Variants in GUCY2D observed in about 807,000 individuals in gnomAD.
GUCY2D encodes the protein retinal guanylyl cyclase 1.
Under a neutral mutation model 101.3 loss-of-function variants are expected in GUCY2D, and 70 were observed. The ratio of observed to expected loss-of-function variants is 0.69; its 90% confidence interval spans 0.57 to 0.84. The LOEUF (loss-of-function observed/expected upper bound fraction) is 0.84, where lower values mean the gene tolerates loss of function less well. GUCY2D is among the 40% of genes least tolerant of loss of function. GUCY2D has a pLI of 0.00. For synonymous variants in GUCY2D, 688 were observed against 670.7 expected (o/e 1.03, Z -0.40); for missense variants, 1,460 against 1,542.5 (o/e 0.95, Z 0.90).
rs76196120 is a variant in GUCY2D, at chr17:8,009,111, T to C, written c.1669-395T>C. ...GTCCAGCATCAGGAGGGGAGCTGTCTATAGTTCAGTTAGTTTTCAATAAAG... is the reference window on the plus strand; with the variant it reads ...GTCCAGCATCAGGAGGGGAGCTGTCCATAGTTCAGTTAGTTTTCAATAAAG... On this transcript the variant is annotated intron_variant, in intron 7 of 19. Coordinates refer to ENST00000254854, the MANE Select transcript of GUCY2D (RefSeq NM_000180.4). Among the ~76,000 whole-genome samples, 15 of 152,378 alleles carry C rather than the reference T, an allele frequency of 9.8e-5. No individual in the cohort carries two copies. In the East Asian group the frequency reaches 2.9e-3, roughly 29 times the overall value.
Position 8,012,442 on chromosome 17 carries a change from A to G in GUCY2D, c.1957-8A>G. Reference sequence around the variant, plus strand: ...GCTGAGGCTGCCTCTTACCCTACCCATTCCAAGGGAATAAGGTATCTGCAC... The same window carrying G: ...GCTGAGGCTGCCTCTTACCCTACCCGTTCCAAGGGAATAAGGTATCTGCAC... On this transcript the variant is annotated splice_polypyrimidine_tract_variant and splice_region_variant and intron_variant, in intron 9 of 19. Transcript: ENST00000254854. 6.2e-7 allele frequency: 1 copy of G among 1,613,976 alleles called. No homozygotes were observed. Among genetic ancestry groups the G allele is most frequent in the South Asian group, 1.1e-5 (1 of 91,080 alleles).
intron 8 of GUCY2D, among the ~76,000 whole-genome samples, chr17:8,010,583 G>T (rs952448061): frequency 6.6e-6 from 1 of 152,018 alleles, no homozygotes; most frequent in Non-Finnish European, 1.5e-5. Context: ...GAGGCGGGCG[G>T]ATCACGAGGT....
chr17:8,003,455 C>A lies in GUCY2D; in HGVS notation c.408C>A (p.Ala136=), dbSNP rs886998148. The part of the protein sequence containing the change: ...GPVNPAACRP[A]ELLAEEAGIA... ...TGAACCCTGCGGCCTGCCGGCCAGC[C>A]GAGCTGCTCGCCGAAGAAGCCGGGA... The change falls in exon 2 of 20, where the codon GCC becomes GCA. Residue 136 remains alanine (A), a synonymous_variant. Coordinates refer to ENST00000254854, the MANE Select transcript of GUCY2D (RefSeq NM_000180.4). 1 of 1,520,754 alleles carries A rather than the reference C, an allele frequency of 6.6e-7. No homozygotes were observed. Among genetic ancestry groups the A allele is most frequent in the African/African-American group, 1.4e-5 (1 of 70,844 alleles). The allele number at this position is 1,520,754 out of a possible 1,614,324, so 94.2% of individuals were successfully genotyped here. A position where few individuals can be genotyped will look rare whatever the true frequency, so the allele number is the denominator to read the frequency against.
At chr17:8,016,687 C>G (rs1975985769) in intron 19 of GUCY2D, 133 bp downstream of exon 19, 1 of 598,140 alleles carries the variant, frequency 1.7e-6, no homozygotes, top group African/African-American at 1.9e-5. Context: ...CCGGGGCTTC[C>G]CCTGGGAGGG....
rs570251619 is a variant in GUCY2D at position 8,003,572 on chromosome 17, G to A, written c.525G>A (p.Leu175=). ...CCGCCGCGGATGCCCTCTACGCCCT[G>A]CTTCGCGCATTCGGCTGGGCGCGCG... is the stretch of plus-strand genomic sequence containing the variant. ...VTPAADALYA[L]LRAFGWARVA... The change falls in exon 2 of 20, where the codon CTG becomes CTA. Residue 175 remains leucine (L), a synonymous_variant. Coordinates refer to ENST00000254854, the MANE Select transcript of GUCY2D (RefSeq NM_000180.4). 1.9e-5 allele frequency: 30 copies of A among 1,581,700 alleles called. No homozygotes were observed. The South Asian group carries it at 3.3e-4, about 17-fold the overall frequency.
At chr17:8,015,237 C>T in intron 14 of GUCY2D, 91 bp from the exon 15 acceptor site, 1 of 1,280,796 alleles carries the variant, frequency 7.8e-7, no homozygotes, top group Middle Eastern at 1.8e-4. Flanking sequence ...TCTGCACTAA[C>T]CCCAGGTGGG....
chr17:8,015,425 T>G lies in GUCY2D; in HGVS notation c.2867T>G (p.Ile956Ser). The G allele has an allele frequency of 6.2e-7, 1 of 1,613,892 alleles. No individual in the cohort carries two copies. Among genetic ancestry groups the G allele is most frequent in the Non-Finnish European group, 8.5e-7 (1 of 1,179,926 alleles). ...AAEIANMSLDILSAVGTFRMR... is the reference protein window; with the variant it reads ...AAEIANMSLDSLSAVGTFRMR... Reference sequence around the variant, plus strand: ...GAGATCGCCAACATGTCACTGGACATCCTCAGTGCCGTGGGCACTTTCCGC... The same window carrying G: ...GAGATCGCCAACATGTCACTGGACAGCCTCAGTGCCGTGGGCACTTTCCGC... The change falls in exon 15 of 20, where the codon ATC becomes AGC. Residue 956 changes from isoleucine (I) to serine (S), a missense_variant. Physicochemically the swap from Ile to Ser is moderately radical, Grantham distance 142 (BLOSUM62 -2). Coordinates refer to ENST00000254854, the MANE Select transcript of GUCY2D (RefSeq NM_000180.4).
rs1171644650 is a variant in GUCY2D, at chr17:8,007,917, C to T, written c.1567-14C>T. Reference sequence around the variant, plus strand: ...AATATATTTTGACCTCTTGCATTGACCTCTACCTGCTAGGTGGCCCAGGGG... The same window carrying T: ...AATATATTTTGACCTCTTGCATTGATCTCTACCTGCTAGGTGGCCCAGGGG... On this transcript the variant is annotated splice_polypyrimidine_tract_variant and intron_variant, in intron 6 of 19. Coordinates refer to ENST00000254854, the MANE Select transcript of GUCY2D (RefSeq NM_000180.4). The T allele has an allele frequency of 3.9e-6, 6 of 1,547,676 alleles. No homozygotes were observed. In the South Asian group the frequency reaches 4.5e-5, roughly 12 times the overall value.
intron 14 of GUCY2D, 114 bp from the exon 15 acceptor site, chr17:8,015,214 C>CT: frequency 8.8e-7 from 1 of 1,135,212 alleles, no homozygotes. Context: ...AGTCCTTCCA[C>CT]TAGCAACCTG....
intron 8 of GUCY2D, 48 bp downstream of exon 8, chr17:8,009,634 C>G: frequency 8.2e-7 from 1 of 1,223,310 alleles, no homozygotes; most frequent in Non-Finnish European, 1.2e-6. Flanking sequence ...CGGTTTCTCC[C>G]TCCTTGCCTT....
chr17:8,014,298 G>C lies in GUCY2D; in HGVS notation c.2412+270G>C. The stretch of plus-strand genomic sequence containing the variant: ...CTGATTGAGAACCAAGTATGTGCTT[G>C]GCCTGCTGTGACAGAAAGACCCTTG... On this transcript the variant is annotated intron_variant, in intron 12 of 19. Coordinates refer to ENST00000254854, the MANE Select transcript of GUCY2D (RefSeq NM_000180.4). This position sits in a 1 kb window ranked among gnomAD's most constrained non-coding sequence, Gnocchi z 4.0. 2 of 602,832 alleles carry C rather than the reference G, an allele frequency of 3.3e-6. No individual in the cohort carries two copies. Among genetic ancestry groups the C allele is most frequent in the Non-Finnish European group, 5.9e-6 (2 of 338,576 alleles). 37.3% of individuals were successfully genotyped at this position (602,832 alleles called of 1,614,324 possible).
At position 8,020,144 on chromosome 17, in the gene GUCY2D, C is replaced by T. The variant is rs1043749744; in HGVS notation, c.*41C>T. On this transcript the variant is annotated 3_prime_UTR_variant, in exon 20 of 20. Coordinates refer to ENST00000254854, the MANE Select transcript of GUCY2D (RefSeq NM_000180.4). ...TCTCCTTAGGGTCTGGGCCCTGCTC[C>T]CTGTCCCATCTGCAGTGGACCCCAG... is the stretch of plus-strand genomic sequence containing the variant. 1 of 147,528 alleles carries T rather than the reference C, an allele frequency of 6.8e-6. No individual in the cohort carries two copies. Among genetic ancestry groups the T allele is most frequent in the Admixed American group, 6.9e-5 (1 of 14,592 alleles). 9.1% of individuals were successfully genotyped at this position (147,528 alleles called of 1,614,324 possible).
chr17:8,020,062 C>T (rs975606786), intron 19 of GUCY2D, 66 bp from the exon 20 acceptor site: 11 of 150,640 alleles, frequency 7.3e-5, no homozygotes, highest in Admixed American at 4.6e-4. Context: ...AGAGACTCTA[C>T]AGCGTGTCCC....
chr17:8,014,026 C>A lies in GUCY2D; in HGVS notation c.2410C>A (p.Leu804Met). The change falls in exon 12 of 20, where the codon CTG (leucine) becomes ATG (methionine). Residue 804 changes from leucine to methionine, a missense_variant and splice_region_variant. This residue lies in a region of GUCY2D where 1,196 missense variants were observed against 1,229.6 expected (regional missense o/e 0.97). Transcript: ENST00000254854. The surrounding 1 kb of genome is among the most constrained non-coding windows in gnomAD (Gnocchi z 4.0). ...LRPSMDHTFD[L>M]FKNINKGRKT... ...GCCCTCCATGGACCACACCTTCGACCTGGTCAGGGGCTGGGAGTGGGCAAG... is the reference window on the plus strand; with the variant it reads ...GCCCTCCATGGACCACACCTTCGACATGGTCAGGGGCTGGGAGTGGGCAAG... The A allele has an allele frequency of 6.2e-7, 1 of 1,612,586 alleles. No homozygotes were observed. The highest frequency in any genetic ancestry group is 8.5e-7 in the Non-Finnish European group (1 of 1,179,742).
intron 7 of GUCY2D, 50 bp from the exon 8 acceptor site, chr17:8,009,456 C>G (rs371322812): frequency 1.2e-4 from 142 of 1,156,646 alleles, no homozygotes; most frequent in Non-Finnish European, 3.9e-5. Flanking sequence ...GGCTCCCCAT[C>G]GTGGGATTTT....
chr17:8,012,951 T>C, intron 10 of GUCY2D, 152 bp from the exon 11 acceptor site: 1 of 676,014 alleles, frequency 1.5e-6, no homozygotes, highest in African/African-American at 1.8e-5. Flanking sequence ...CTGAGATGGC[T>C]CCTAGAGATA....
intron 5 of GUCY2D, 132 bp downstream of exon 5, chr17:8,007,276 C>A: frequency 3.3e-6 from 3 of 906,906 alleles, no homozygotes; most frequent in Non-Finnish European, 3.7e-6. Flanking sequence ...TTCTGGTGGG[C>A]TGGTAGAGTC....
At chr17:8,004,827 G>A (rs1975709088) in intron 3 of GUCY2D, among the ~76,000 whole-genome samples, 1 of 152,194 alleles carries the variant, frequency 6.6e-6, no homozygotes, top group African/African-American at 2.4e-5. Context: ...CTCACAGGCG[G>A]CTGCATGAGA....
intron 3 of GUCY2D, among the ~76,000 whole-genome samples, chr17:8,005,746 C>T (rs1329866702): frequency 6.6e-6 from 1 of 152,168 alleles, no homozygotes; most frequent in African/African-American, 2.4e-5. Flanking sequence ...TTCCTTGAGA[C>T]GGGGTCTGTC....
Sources: gnomAD v4.1 joint callset for allele counts (sites outside exome capture counted in the v4.1 genomes callset) on GRCh38, gnomAD v4.1.1 for gene constraint, gnomAD v4.1.1 regional missense constraint, Gnocchi (gnomAD v3.1) non-coding constraint, MANE v1.5 for transcripts, NCBI Gene and HGNC (gene_info 2026-07-23, HGNC 2026-07-21) for gene names.